GAS7: variants seen among roughly 807,000 people sequenced by gnomAD.
GAS7 encodes growth arrest-specific protein 7.
GAS7 carries 28 observed loss-of-function variants against 71.1 expected under a neutral mutation model. The observed-to-expected ratio is 0.39, with a 90% confidence interval of 0.29 to 0.54. The LOEUF is 0.54. Among genes scored for constraint, GAS7 ranks in the 20% least tolerant of loss-of-function variants. The pLI, the probability that GAS7 is intolerant of heterozygous loss-of-function variation, is 0.62. For missense variants in GAS7, 436 were observed against 627.8 expected (o/e 0.69, Z 3.27); for synonymous variants, 258 against 245.8 (o/e 1.05, Z -0.46).
intron 1 of GAS7, among the ~76,000 whole-genome samples, chr17:10,059,165 A>G (rs2073188358): frequency 6.6e-6 from 1 of 152,148 alleles, no homozygotes; most frequent in Non-Finnish European, 1.5e-5. Flanking sequence ...CATCTGGCAG[A>G]GCGTGTCACC....
chr17:10,126,368 A>G (rs111597293), intron 1 of GAS7, among the ~76,000 whole-genome samples: 4,060 of 142,334 alleles, frequency 0.029, 204 homozygotes, highest in African/African-American at 0.095. Flanking sequence ...ACACTCTTGC[A>G]CACACACCCA....
intron 1 of GAS7, among the ~76,000 whole-genome samples, chr17:10,179,451 T>C (rs897322179): frequency 2.6e-5 from 4 of 151,426 alleles, no homozygotes; most frequent in African/African-American, 9.7e-5. Flanking sequence ...GAAAACTCCG[T>C]GTTTCCAAGC....
intron 1 of GAS7, among the ~76,000 whole-genome samples, chr17:10,088,638 T>C (rs1360183504): frequency 2.6e-5 from 4 of 152,170 alleles, no homozygotes; most frequent in Non-Finnish European, 5.9e-5. Context: ...CTGGTGTCTT[T>C]AACAGGGAAA....
intron 1 of GAS7, among the ~76,000 whole-genome samples, chr17:10,191,633 T>C (rs1337593857): frequency 1.3e-5 from 2 of 149,238 alleles, no homozygotes; most frequent in East Asian, 2.0e-4. Context: ...TCCCAGCACT[T>C]TGGGAGGCTG....
intron 1 of GAS7, among the ~76,000 whole-genome samples, chr17:10,129,763 A>G (rs1246109153): frequency 1.3e-5 from 2 of 152,240 alleles, no homozygotes; most frequent in African/African-American, 4.8e-5. Context: ...CACGTATCTG[A>G]TAAGGGACTT....
chr17:9,941,068 G>A (rs913816440), intron 7 of GAS7, among the ~76,000 whole-genome samples: 1 of 152,202 alleles, frequency 6.6e-6, no homozygotes, highest in Non-Finnish European at 1.5e-5. Flanking sequence ...TCAAGCAGCT[G>A]GCACCCAAAG....
At chr17:10,016,602 CAAAAAAAAAAAA>C (rs1158379710) in intron 2 of GAS7, among the ~76,000 whole-genome samples, 1 of 84,730 alleles carries the variant, frequency 1.2e-5, no homozygotes, top group Non-Finnish European at 2.5e-5. Context: ...CTGTCTCTAC[CAAAAAAAAAAAA>C]AAAAAAAAAA....
At position 9,959,108 on chromosome 17, in the gene GAS7, C is replaced by T. The variant is rs2069369641; in HGVS notation, c.525+94G>A. On this transcript the variant is annotated intron_variant, in intron 5 of 13. Transcript: ENST00000432992. This position sits in a 1 kb window ranked among gnomAD's most constrained non-coding sequence, Gnocchi z 5.0. ...TTCCCCGTTTCCAGGTTGGGCATCA[C>T]TTCTGCTTGGCGGTCCACATCGCCA... is the stretch of plus-strand genomic sequence containing the variant. The T allele has an allele frequency of 6.9e-7, 1 of 1,448,802 alleles. No homozygotes were observed. 89.7% of individuals were successfully genotyped at this position (1,448,802 alleles called of 1,614,324 possible).
intron 1 of GAS7, among the ~76,000 whole-genome samples, chr17:10,067,417 G>A (rs1009605709): frequency 6.6e-6 from 1 of 151,778 alleles, no homozygotes; most frequent in Admixed American, 6.6e-5. Flanking sequence ...GCTAATTTTT[G>A]TAGTTTTAGT....
intron 2 of GAS7, among the ~76,000 whole-genome samples, chr17:9,993,213 T>C (rs1597632812): frequency 6.6e-6 from 1 of 151,082 alleles, no homozygotes; most frequent in East Asian, 2.0e-4. Flanking sequence ...TAGTTTACAG[T>C]CCCACCAACA....
chr17:10,096,836 C>T (rs576873998), intron 1 of GAS7, among the ~76,000 whole-genome samples: 1 of 152,380 alleles, frequency 6.6e-6, no homozygotes, highest in South Asian at 2.1e-4. Flanking sequence ...TACGGATCCA[C>T]GAGTGGCGTC....
At chr17:10,192,746 G>C (rs2074511769) in intron 1 of GAS7, among the ~76,000 whole-genome samples, 1 of 152,198 alleles carries the variant, frequency 6.6e-6, no homozygotes, top group Non-Finnish European at 1.5e-5. Context: ...TGACAAAAGA[G>C]GTGGTTCCTT....
chr17:10,058,010 A>C (rs904510525), intron 1 of GAS7, among the ~76,000 whole-genome samples: 3 of 152,168 alleles, frequency 2.0e-5, no homozygotes, highest in Non-Finnish European at 2.9e-5. Flanking sequence ...GATTAAGGGC[A>C]GTGCAAGATG....
At chr17:9,989,205 C>T (rs1026987509) in intron 2 of GAS7, among the ~76,000 whole-genome samples, 3 of 152,064 alleles carry the variant, frequency 2.0e-5, no homozygotes, top group East Asian at 1.9e-4. Context: ...AGTCTGACAA[C>T]AAAGACCACC....
rs79555573 is a variant in GAS7, at chr17:9,960,060, C to T, written c.472-805G>A. On this transcript the variant is annotated intron_variant, in intron 4 of 13. Coordinates refer to ENST00000432992, the MANE Select transcript of GAS7 (RefSeq NM_201433.2). ...TAGCAATTATGTTGGGGGCTCAATA[C>T]CAGAGATCCCCAAGCAGGACCTGGG... is the stretch of plus-strand genomic sequence containing the variant. 9.9e-5 allele frequency among the ~76,000 whole-genome samples: 15 copies of T among 152,232 alleles called. No individual in the cohort carries two copies. In the East Asian group the frequency reaches 2.7e-3, roughly 27 times the overall value.
At chr17:9,973,778 T>A (rs2070071110) in intron 3 of GAS7, among the ~76,000 whole-genome samples, 1 of 152,218 alleles carries the variant, frequency 6.6e-6, no homozygotes, top group African/African-American at 2.4e-5. Flanking sequence ...TAGAAACATG[T>A]GGCAGGCTTC....
intron 1 of GAS7, among the ~76,000 whole-genome samples, chr17:10,150,591 C>CGTTTTTT (rs761633012): frequency 8.4e-6 from 1 of 118,958 alleles, no homozygotes; most frequent in African/African-American, 3.4e-5. Context: ...TGTTACATTT[C>CGTTTTTT]TTTTTTTTTT....
chr17:9,949,088 C>T (rs1445610698), intron 5 of GAS7, among the ~76,000 whole-genome samples: 1 of 152,164 alleles, frequency 6.6e-6, no homozygotes, highest in Non-Finnish European at 1.5e-5. Flanking sequence ...GGGCGGACAG[C>T]GTCACAGAAA....
intron 1 of GAS7, among the ~76,000 whole-genome samples, chr17:10,094,554 C>T (rs575526476): frequency 4.6e-5 from 7 of 151,864 alleles, no homozygotes; most frequent in Non-Finnish European, 8.8e-5. Flanking sequence ...CTGCAACCTC[C>T]GCCTCCTGGA....
Sources: gnomAD v4.1 joint callset for allele counts (sites outside exome capture counted in the v4.1 genomes callset) on GRCh38, gnomAD v4.1.1 for gene constraint, Gnocchi (gnomAD v3.1) non-coding constraint, MANE v1.5 for transcripts, NCBI Gene and HGNC (gene_info 2026-07-23, HGNC 2026-07-21) for gene names.